MCPH1: variants seen among roughly 807,000 people sequenced by gnomAD.
MCPH1 encodes microcephalin.
A neutral mutation model predicts 84.5 loss-of-function variants in MCPH1; 104 were observed. The ratio of observed to expected loss-of-function variants is 1.23; its 90% confidence interval spans 1.05 to 1.45. The LOEUF (loss-of-function observed/expected upper bound fraction) is 1.45, where lower values mean the gene tolerates loss of function less well. Ranked by LOEUF, MCPH1 falls within the 40% of genes most tolerant of loss-of-function variation. The pLI, the probability that MCPH1 is intolerant of heterozygous loss-of-function variation, is 0.00. For missense variants in MCPH1, 1,498 were observed against 1,005.7 expected (o/e 1.49, Z -6.62); for synonymous variants, 514 against 366.8 (o/e 1.40, Z -4.58).
chr8:6,604,870 T>C (rs1829638410), intron 12 of MCPH1, among the ~76,000 whole-genome samples: 1 of 152,228 alleles, frequency 6.6e-6, no homozygotes, highest in Admixed American at 6.5e-5. Flanking sequence ...TAGAAGCTTT[T>C]GAAATTAGCT....
At chr8:6,606,720 A>C (rs533432064) in intron 12 of MCPH1, among the ~76,000 whole-genome samples, 1 of 152,358 alleles carries the variant, frequency 6.6e-6, no homozygotes, top group East Asian at 1.9e-4. Context: ...CGGTTTGGCT[A>C]TGTCCCCACC....
chr8:6,435,818 A>G (rs1802564244), intron 4 of MCPH1, among the ~76,000 whole-genome samples: 1 of 152,234 alleles, frequency 6.6e-6, no homozygotes, highest in African/African-American at 2.4e-5. Flanking sequence ...AAAATGTCTC[A>G]CAAAGCATAA....
chr8:6,640,678 T>C (rs1161339549), intron 13 of MCPH1, among the ~76,000 whole-genome samples: 1 of 152,244 alleles, frequency 6.6e-6, no homozygotes, highest in Non-Finnish European at 1.5e-5. Flanking sequence ...TTTTTAACTA[T>C]TATTTTTTAC....
chr8:6,625,735 G>A (rs909309612), intron 13 of MCPH1: 43 of 973,856 alleles, frequency 4.4e-5, no homozygotes, highest in African/African-American at 1.9e-4. Context: ...GGTGAGCAAC[G>A]ATCCCACCAC....
intron 12 of MCPH1, among the ~76,000 whole-genome samples, chr8:6,611,246 T>C (rs1343953493): frequency 2.6e-5 from 4 of 152,122 alleles, no homozygotes; most frequent in East Asian, 1.9e-4. Context: ...TACAATCCAA[T>C]TGTGGCACCG....
rs758396594 is a variant in MCPH1, at chr8:6,527,587, G to T, written c.2214+27658G>T. 1.9e-6 allele frequency: 3 copies of T among 1,613,818 alleles called. No individual in the cohort carries two copies. In the South Asian group the frequency reaches 3.3e-5, roughly 18 times the overall value. On this transcript the variant is annotated intron_variant, in intron 12 of 13. Coordinates refer to ENST00000344683, the MANE Select transcript of MCPH1 (RefSeq NM_024596.5). ...TATCTTGCAATTTGTTTATTTCACTGGTCTGGTCCAAAATCTGTTTTTCCA... is the reference window on the plus strand; with the variant it reads ...TATCTTGCAATTTGTTTATTTCACTTGTCTGGTCCAAAATCTGTTTTTCCA...
At position 6,409,309 on chromosome 8, in the gene MCPH1, C is replaced by T. The variant is rs896077970; in HGVS notation, c.53C>T (p.Ser18Phe). 1 of 1,613,908 alleles carries T rather than the reference C, an allele frequency of 6.2e-7. No homozygotes were observed. ...GTGGCCTATGTTGAAGTGTGGTCAT[C>T]CAATGGAACAGAAAATTATTCAAAG... is the stretch of plus-strand genomic sequence containing the variant. ...DVVAYVEVWS[S>F]NGTENYSKTF... is the part of the protein sequence containing the mutation. Residue 18 changes from serine to phenylalanine, a missense_variant, in exon 2 of 14, where the codon TCC becomes TTC. Transcript: ENST00000344683.
Position 6,645,893 on chromosome 8 carries a change from T to C in MCPH1, c.*2844T>C, listed in dbSNP as rs993343084. 2 of 152,148 alleles carry C rather than the reference T, an allele frequency of 1.3e-5. No individual in the cohort carries two copies. Among genetic ancestry groups the C allele is most frequent in the African/African-American group, 4.8e-5 (2 of 41,450 alleles). 9.4% of individuals were successfully genotyped at this position (152,148 alleles called of 1,614,324 possible). ...TTAAAGACTTCTTTAAATAGAGACATATACAAAGTTCATAGATTAGAAGAT... is the reference window on the plus strand; with the variant it reads ...TTAAAGACTTCTTTAAATAGAGACACATACAAAGTTCATAGATTAGAAGAT... On this transcript the variant is annotated 3_prime_UTR_variant, in exon 14 of 14. Transcript: ENST00000344683.
At chr8:6,511,379 T>G (rs1586244570) in intron 12 of MCPH1, among the ~76,000 whole-genome samples, 2 of 152,310 alleles carry the variant, frequency 1.3e-5, no homozygotes, top group East Asian at 3.9e-4. Flanking sequence ...CAATTAAACC[T>G]CAGTGTTATA....
chr8:6,514,047 AC>A (rs1815729846), intron 12 of MCPH1, among the ~76,000 whole-genome samples: 1 of 152,156 alleles, frequency 6.6e-6, no homozygotes. Flanking sequence ...CTGGAAGAAA[AC>A]TTGTATTAGG....
At chr8:6,625,548 T>G in intron 13 of MCPH1, 1 of 885,872 alleles carries the variant, frequency 1.1e-6, no homozygotes, top group Non-Finnish European at 1.4e-6. Context: ...ATAAATTAAA[T>G]TATGAAAAGA....
intron 13 of MCPH1, among the ~76,000 whole-genome samples, chr8:6,632,602 G>C (rs1464242400): frequency 1.3e-5 from 2 of 152,160 alleles, no homozygotes; most frequent in African/African-American, 2.4e-5. Context: ...AAGGTCAGGA[G>C]ATCGAGACCA....
intron 12 of MCPH1, among the ~76,000 whole-genome samples, chr8:6,541,932 C>G (rs1344994777): frequency 6.7e-6 from 1 of 150,304 alleles, no homozygotes; most frequent in East Asian, 1.9e-4. Context: ...TGCTTGAGCC[C>G]AGGAGGTTGA....
intron 12 of MCPH1, among the ~76,000 whole-genome samples, chr8:6,592,589 G>A (rs1231601255): frequency 1.4e-5 from 2 of 139,768 alleles, no homozygotes; most frequent in Non-Finnish European, 3.1e-5. Flanking sequence ...GATTTTTAAA[G>A]TCATCTAGGC....
intron 8 of MCPH1, among the ~76,000 whole-genome samples, chr8:6,449,564 CAG>C (rs920410814): frequency 2.6e-5 from 4 of 151,600 alleles, no homozygotes; most frequent in Non-Finnish European, 4.4e-5. Flanking sequence ...ACCCAGGAGA[CAG>C]AGGTTGCGGT....
intron 12 of MCPH1, among the ~76,000 whole-genome samples, chr8:6,537,237 G>T (rs1184486131): frequency 6.6e-6 from 1 of 152,122 alleles, no homozygotes; most frequent in Non-Finnish European, 1.5e-5. Context: ...CCATGAGCGT[G>T]ATCTGTAGGC....
chr8:6,616,435 A>G (rs1166986916), intron 12 of MCPH1: 1 of 152,274 alleles, frequency 6.6e-6, no homozygotes, highest in Non-Finnish European at 1.5e-5. Context: ...TCAACAGTAC[A>G]GTCTGCCTTA....
rs558123814 is a variant in MCPH1, at chr8:6,428,578, C to A, written c.234-2921C>A. ...TCTACTTTCTTTCTCTGTGGATTTT[C>A]CTTTTCTGGACATTTCCAATAAGCG... On this transcript the variant is annotated intron_variant, in intron 3 of 13. Coordinates refer to ENST00000344683, the MANE Select transcript of MCPH1 (RefSeq NM_024596.5). 2.6e-5 allele frequency among the ~76,000 whole-genome samples: 4 copies of A among 152,352 alleles called. No individual in the cohort carries two copies. In the South Asian group the frequency reaches 8.3e-4, roughly 32 times the overall value.
Position 6,461,357 on chromosome 8 carries a change from G to C in MCPH1, c.1935+6105G>C, listed in dbSNP as rs541784819. Among the ~76,000 whole-genome samples the C allele has an allele frequency of 1.8e-4, 22 of 119,684 alleles. No individual in the cohort carries two copies. In the South Asian group the frequency reaches 5.9e-3, roughly 32 times the overall value. The allele number at this position is 119,684 out of a possible 152,430, so 78.5% of individuals were successfully genotyped here. A position where few individuals can be genotyped will look rare whatever the true frequency, so the allele number is the denominator to read the frequency against. On this transcript the variant is annotated intron_variant, in intron 9 of 13. Coordinates refer to ENST00000344683, the MANE Select transcript of MCPH1 (RefSeq NM_024596.5). The stretch of plus-strand genomic sequence containing the variant: ...TTTTTTTTTTTTGAGATGGAGTCTC[G>C]CTCTGTTGTCCAGGCTGAAGTGCAG...
Sources: allele counts gnomAD v4.1 joint callset (sites outside exome capture counted in the v4.1 genomes callset), GRCh38; gene constraint gnomAD v4.1.1; transcripts MANE v1.5; gene names NCBI Gene and HGNC (gene_info 2026-07-23, HGNC 2026-07-21).